The following HSD17B2 variants were observed in gnomAD, a reference collection of about 807,000 sequenced individuals.
HSD17B2 encodes hydroxysteroid 17-beta dehydrogenase 2.
In HSD17B2, 32 loss-of-function variants were observed where a neutral mutation model predicts 26.9. The ratio of observed to expected loss-of-function variants is 1.19; its 90% CI spans 0.90 to 1.60. The LOEUF is 1.60. Ranked by LOEUF, HSD17B2 falls within the 40% of genes most tolerant of loss-of-function variation. The pLI is 0.00. For missense variants in HSD17B2, 613 were observed against 468.6 expected (o/e 1.31, Z -2.85); for synonymous variants, 246 against 186.7 (o/e 1.32, Z -2.59).
chr16:82,060,951 G>A (rs746019224), intron 1 of HSD17B2, among the ~76,000 whole-genome samples: 5 of 151,800 alleles, frequency 3.3e-5, no homozygotes, highest in African/African-American at 9.7e-5. Flanking sequence ...GTGTAGTGTC[G>A]GTTTTTTAAA....
chr16:82,059,582 C>T (rs985544171), intron 1 of HSD17B2, among the ~76,000 whole-genome samples: 9 of 152,038 alleles, frequency 5.9e-5, no homozygotes, highest in African/African-American at 1.7e-4. Flanking sequence ...AATCAGTATG[C>T]GTCATGAAGC....
chr16:82,054,659 A>C (rs1244563675), intron 1 of HSD17B2, among the ~76,000 whole-genome samples: 1 of 152,158 alleles, frequency 6.6e-6, no homozygotes, highest in African/African-American at 2.4e-5. Flanking sequence ...CCTATTCTTA[A>C]CATACCACTT....
chr16:82,068,689 A>G (rs935869959), intron 2 of HSD17B2, among the ~76,000 whole-genome samples: 3 of 152,084 alleles, frequency 2.0e-5, no homozygotes, highest in Non-Finnish European at 4.4e-5. Context: ...CAATAGCAAC[A>G]TGCATTAGAG....
intron 3 of HSD17B2, among the ~76,000 whole-genome samples, chr16:82,082,289 C>T (rs918975912): frequency 1.3e-5 from 2 of 152,036 alleles, no homozygotes; most frequent in African/African-American, 2.4e-5. Flanking sequence ...GTTCCATGTG[C>T]CTCTCATTTG....
chr16:82,066,735 AATT>A lies in HSD17B2; in HGVS notation c.266-1426_266-1424del, dbSNP rs8191126. ...TTTTGCATTAAAATTGGATTTTATT[AATT>A]ATTATTATACTGCAAATTATTTTAT... On this transcript the variant is annotated intron_variant, in intron 1 of 4. Transcript: ENST00000199936. Among the ~76,000 whole-genome samples the A allele has an allele frequency of 7.0e-3, 1,070 of 152,192 alleles. 17 individuals are homozygous for A. The highest frequency in any genetic ancestry group is 0.07 in the South Asian group (335 of 4,818).
At chr16:82,071,202 A>G in intron 3 of HSD17B2, 75 bp downstream of exon 3, 2 of 1,424,130 alleles carry the variant, frequency 1.4e-6, no homozygotes, top group African/African-American at 1.4e-5. Flanking sequence ...ATGTGGGCGA[A>G]CAAAAATGCA....
intron 4 of HSD17B2, 178 bp from the exon 5 acceptor site, chr16:82,097,897 C>T: frequency 2.0e-6 from 1 of 505,896 alleles, no homozygotes; most frequent in Non-Finnish European, 3.3e-6. Context: ...GAGATCACAC[C>T]ACTGCACTTA....
chr16:82,066,884 T>C (rs8191127), intron 1 of HSD17B2, among the ~76,000 whole-genome samples: 3,503 of 152,294 alleles, frequency 0.023, 121 homozygotes, highest in African/African-American at 0.079. Flanking sequence ...CATTCTCCTA[T>C]TCATAGACAT....
chr16:82,064,951 C>T (rs2143970557), intron 1 of HSD17B2, among the ~76,000 whole-genome samples: 1 of 152,318 alleles, frequency 6.6e-6, no homozygotes, highest in African/African-American at 2.4e-5. Context: ...TCGGACACTG[C>T]TTTGGATCTT....
intron 1 of HSD17B2, among the ~76,000 whole-genome samples, chr16:82,047,904 G>C (rs569476059): frequency 6.6e-5 from 10 of 152,344 alleles, no homozygotes; most frequent in Admixed American, 1.3e-4. Context: ...AAGGAATGTA[G>C]AGAATGATTC....
At chr16:82,097,183 T>G (rs1438893801) in intron 4 of HSD17B2, 1 of 151,782 alleles carries the variant, frequency 6.6e-6, no homozygotes, top group Non-Finnish European at 1.5e-5. Context: ...TAAGCACCAT[T>G]GTGCCCAGCT....
chr16:82,043,002 G>A (rs566474157), intron 1 of HSD17B2, among the ~76,000 whole-genome samples: 21 of 152,336 alleles, frequency 1.4e-4, no homozygotes, highest in African/African-American at 5.1e-4. Context: ...CTTCTGCTCT[G>A]GTTCCTGCAG....
chr16:82,058,184 C>A (rs536280408), intron 1 of HSD17B2, among the ~76,000 whole-genome samples: 17 of 152,046 alleles, frequency 1.1e-4, no homozygotes, highest in Admixed American at 8.5e-4. Context: ...GATTCTCCCA[C>A]CTCAGCCTCC....
chr16:82,098,049 G>C (rs1388226285), intron 4 of HSD17B2, 26 bp from the exon 5 acceptor site: 1 of 1,590,296 alleles, frequency 6.3e-7, no homozygotes, highest in Non-Finnish European at 8.6e-7. Context: ...CCCAGGATCT[G>C]ACTCTTCCCT....
In HSD17B2 at chr16:82,098,301, C is replaced by T. The variant is rs779441409; in HGVS notation, c.1029C>T (p.Gly343=). The T allele has an allele frequency of 2.5e-5, 40 of 1,614,076 alleles. No homozygotes were observed. In the East Asian group the frequency reaches 4.9e-4, roughly 20 times the overall value. The change falls in exon 5 of 5, where the codon GGC becomes GGT. Residue 343 remains glycine, a synonymous_variant. Coordinates refer to ENST00000199936, the MANE Select transcript of HSD17B2 (RefSeq NM_002153.3). ...SPFAYYTPGK[G]AYLWICLAHY... The stretch of plus-strand genomic sequence containing the variant: ...TTGCCTATTACACGCCAGGGAAAGG[C>T]GCTTACTTGTGGATCTGCCTTGCTC...
chr16:82,090,853 C>G, intron 3 of HSD17B2, 49 bp from the exon 4 acceptor site: 5 of 1,526,850 alleles, frequency 3.3e-6, no homozygotes, highest in Non-Finnish European at 4.4e-6. Flanking sequence ...ATTGGATGAA[C>G]AAATGAACAT....
intron 1 of HSD17B2, among the ~76,000 whole-genome samples, chr16:82,040,864 G>A (rs1216926022): frequency 6.6e-6 from 1 of 152,228 alleles, no homozygotes; most frequent in East Asian, 1.9e-4. Flanking sequence ...AACTTGGTTA[G>A]ATTTGTAGAT....
chr16:82,041,165 G>C lies in HSD17B2; in HGVS notation c.265+5476G>C, dbSNP rs527698075. Among the ~76,000 whole-genome samples the C allele has an allele frequency of 1.6e-4, 24 of 152,292 alleles. 1 individual carries two copies. The South Asian group carries it at 4.8e-3, about 30-fold the overall frequency. ...ATCCATGCCAACTATACTGCAAGCG[G>C]CTTGAAGGCAGGAACCAGGTCTCTT... On this transcript the variant is annotated intron_variant, in intron 1 of 4. Coordinates refer to ENST00000199936, the MANE Select transcript of HSD17B2 (RefSeq NM_002153.3).
chr16:82,073,418 G>T (rs1263061744), intron 3 of HSD17B2, among the ~76,000 whole-genome samples: 1 of 151,866 alleles, frequency 6.6e-6, no homozygotes, highest in Non-Finnish European at 1.5e-5. Context: ...TATAGACGGG[G>T]TTTCACCGTG....
Sources: gnomAD v4.1 joint callset for allele counts (sites outside exome capture counted in the v4.1 genomes callset) on GRCh38, gnomAD v4.1.1 for gene constraint, MANE v1.5 for transcripts, NCBI Gene and HGNC (gene_info 2026-07-23, HGNC 2026-07-21) for gene names.